The following ZAN variants were observed in gnomAD, a reference collection of about 807,000 sequenced individuals.
The protein encoded by ZAN is zonadhesin.
ZAN carries 260 observed loss-of-function variants against 286.2 expected under a neutral mutation model. The observed-to-expected ratio is 0.91, with a 90% CI of 0.82 to 1.01. The LOEUF is 1.01. ZAN is among the 50% of genes least tolerant of loss of function. ZAN has a pLI of 0.00. For synonymous variants in ZAN, 1,368 were observed against 1,417.5 expected, an observed-to-expected ratio of 0.97 and a Z score of 0.79; for missense variants, 3,410 against 3,639.2, an observed-to-expected ratio of 0.94 and a Z score of 1.62.
intron 22 of ZAN, among the ~76,000 whole-genome samples, chr7:100,764,932 G>A (rs1809849970): frequency 6.6e-6 from 1 of 152,116 alleles, no homozygotes; most frequent in South Asian, 2.1e-4. Flanking sequence ...CAGGCACACG[G>A]TACAGGCCCT....
intron 7 of ZAN, among the ~76,000 whole-genome samples, chr7:100,744,720 C>T (rs1005127600): frequency 6.6e-6 from 1 of 151,618 alleles, no homozygotes; most frequent in Non-Finnish European, 1.5e-5. Context: ...CCGTGTACCG[C>T]GCCCAGCAGC....
At chr7:100,779,798 C>T in intron 35 of ZAN, 48 bp downstream of exon 35, 2 of 1,506,654 alleles carry the variant, frequency 1.3e-6, no homozygotes, top group Non-Finnish European at 1.8e-6. Context: ...ACCCCCTTTC[C>T]CTCTCTGCTT....
chr7:100,759,896 T>A, intron 18 of ZAN, 51 bp downstream of exon 18: 1 of 1,580,800 alleles, frequency 6.3e-7, no homozygotes, highest in Non-Finnish European at 8.6e-7. Context: ...CTGTGTGTCC[T>A]GGCCAACCCT....
At chr7:100,779,242 G>A (rs1811025840) in intron 34 of ZAN, among the ~76,000 whole-genome samples, 1 of 151,754 alleles carries the variant, frequency 6.6e-6, no homozygotes, top group Non-Finnish European at 1.5e-5. Flanking sequence ...GGTGGTGGGT[G>A]CCTGTAGTCT....
At chr7:100,768,184 G>A in intron 26 of ZAN, among the ~76,000 whole-genome samples, 173 bp downstream of exon 26, 1 of 152,310 alleles carries the variant, frequency 6.6e-6, no homozygotes, top group East Asian at 1.9e-4. Context: ...TGAAGAGACA[G>A]AAAGGGGCCA....
At chr7:100,739,254 C>T (rs1006976639) in intron 7 of ZAN, among the ~76,000 whole-genome samples, 4 of 136,300 alleles carry the variant, frequency 2.9e-5, no homozygotes, top group Admixed American at 2.2e-4. Context: ...TCAAGTGGTC[C>T]ACCTGCCTCA....
chr7:100,750,669 G>A lies in ZAN; in HGVS notation c.1294G>A (p.Gly432Ser). 1 of 1,613,484 alleles carries A rather than the reference G, an allele frequency of 6.2e-7. No homozygotes were observed. The highest frequency in any genetic ancestry group is 1.1e-5 in the South Asian group (1 of 90,934). ...YLEADEFSQA[G>S]QSVRLVSRPF... ...TGAGGCTGACGAGTTCTCCCAGGCAGGCCAGTCAGTCAGACTGGTGAGCCG... is the reference window on the plus strand; with the variant it reads ...TGAGGCTGACGAGTTCTCCCAGGCAAGCCAGTCAGTCAGACTGGTGAGCCG... The change falls in exon 12 of 48, where the codon GGC (glycine) becomes AGC (serine). Residue 432 changes from glycine (G) to serine (S), a missense_variant. This residue lies in a region of ZAN where 872 missense variants were observed against 938.9 expected (regional missense o/e 0.93). Transcript: ENST00000613979.
At chr7:100,782,383 C>T (rs1339544865) in intron 35 of ZAN, among the ~76,000 whole-genome samples, 3 of 152,130 alleles carry the variant, frequency 2.0e-5, no homozygotes, top group African/African-American at 7.2e-5. Context: ...GCCCAGGCTG[C>T]AGTGGCACGA....
At chr7:100,781,567 C>T (rs1021031652) in intron 35 of ZAN, among the ~76,000 whole-genome samples, 2 of 151,462 alleles carry the variant, frequency 1.3e-5, no homozygotes, top group African/African-American at 4.9e-5. Flanking sequence ...TGCTGGGCAT[C>T]ACTGTGGGTC....
At position 100,765,474 on chromosome 7, in the gene ZAN, C is replaced by G; in HGVS notation, c.4390C>G (p.Pro1464Ala). 6.2e-7 allele frequency: 1 copy of G among 1,613,368 alleles called. No individual in the cohort carries two copies. Among genetic ancestry groups the G allele is most frequent in the South Asian group, 1.1e-5 (1 of 90,910 alleles). ...GTGCGTGGAGGCCTGTGAATGCAAT[C>G]CGGGCTTCGTCCTCAGTGGCCTCGA... ...DRCVEACECN[P>A]GFVLSGLECI... Residue 1464 changes from proline to alanine, a missense_variant, in exon 23 of 48, where the codon CCG (proline) becomes GCG (alanine). By Grantham distance (27) the Pro-to-Ala change is conservative. Coordinates refer to ENST00000613979, the MANE Select transcript of ZAN (RefSeq NM_003386.3).
rs373565888 is a variant in ZAN at position 100,779,525 on chromosome 7, G to A, written c.6397G>A (p.Asp2133Asn). ...ENPSGNCRAA[D>N]LRRAREKCEA... ...CCCGAGTGGAAACTGCAGGGCGGCC[G>A]ACCTCCGCAGGGCGCGGGAAAAGTG... The change falls in exon 35 of 48, where the codon GAC becomes AAC. Residue 2133 changes from aspartate (D) to asparagine (N), a missense_variant. By Grantham distance (23) the Asp-to-Asn change is conservative. This residue lies in a region of ZAN where 1,289 missense variants were observed against 1,314.3 expected (regional missense o/e 0.98). Transcript: ENST00000613979. 13 of 1,612,504 alleles carry A rather than the reference G, an allele frequency of 8.1e-6. No homozygotes were observed. The Admixed American group carries it at 1.0e-4, about 12-fold the overall frequency.
chr7:100,772,247 C>T (rs1810424149), intron 29 of ZAN, among the ~76,000 whole-genome samples: 1 of 150,538 alleles, frequency 6.6e-6, no homozygotes, highest in Non-Finnish European at 1.5e-5. Flanking sequence ...GCCTGGTCAA[C>T]ATGGTGAAAC....
In ZAN at chr7:100,789,228, A is replaced by G; in HGVS notation, c.7238A>G (p.Gln2413Arg). Residue 2413 changes from glutamine to arginine, a missense_variant, in exon 39 of 48, where the codon CAG (glutamine) becomes CGG (arginine). Coordinates refer to ENST00000613979, the MANE Select transcript of ZAN (RefSeq NM_003386.3). ...GTCTTCCCTCTTTAGGTCAACAACC[A>G]GAAGATGGCCGTCCCCTACAGGCCA... ...QAGLELVVNNQKMAVPYRPNE... is the reference protein window; with the variant it reads ...QAGLELVVNNRKMAVPYRPNE... The G allele has an allele frequency of 1.2e-6, 2 of 1,613,466 alleles. No individual in the cohort carries two copies. The highest frequency in any genetic ancestry group is 1.7e-6 in the Non-Finnish European group (2 of 1,179,674).
chr7:100,768,091 T>G, intron 26 of ZAN, 80 bp downstream of exon 26: 24 of 1,460,514 alleles, frequency 1.6e-5, no homozygotes, highest in Non-Finnish European at 2.2e-5. Context: ...CCAACATCTC[T>G]GTGAGGTGTT....
intron 2 of ZAN, 105 bp downstream of exon 2, chr7:100,734,326 G>C: frequency 1.2e-6 from 1 of 833,108 alleles, no homozygotes; most frequent in Non-Finnish European, 1.8e-6. Context: ...AACTACAAAA[G>C]ATCTGGAGAG....
chr7:100,764,182 A>C lies in ZAN; in HGVS notation c.4253A>C (p.Glu1418Ala). The C allele has an allele frequency of 6.4e-7, 1 of 1,572,238 alleles. No individual in the cohort carries two copies. Among genetic ancestry groups the C allele is most frequent in the Non-Finnish European group, 8.6e-7 (1 of 1,159,586 alleles). Residue 1418 changes from glutamate (E) to alanine (A), a missense_variant, in exon 22 of 48, where the codon GAA (glutamate) becomes GCA (alanine). Glu to Ala is a moderately radical substitution (Grantham distance 107, BLOSUM62 -1). Coordinates refer to ENST00000613979, the MANE Select transcript of ZAN (RefSeq NM_003386.3). ...GGCCACGCTGTGAAGCCCTGGAGGG[A>C]ACCCCACTTCTGCCGTGAGTTGTGC... Reference protein sequence around the residue: ...DAGHAVKPWREPHFCPMACPP... With the variant: ...DAGHAVKPWRAPHFCPMACPP...
intron 36 of ZAN, 121 bp downstream of exon 36, chr7:100,784,955 G>C: frequency 2.6e-6 from 3 of 1,159,478 alleles, no homozygotes; most frequent in Non-Finnish European, 3.5e-6. Context: ...GGGTGTGAAG[G>C]CTGGTGTGAG....
rs372993710 is a variant in ZAN at position 100,775,684 on chromosome 7, G to A, written c.6043G>A (p.Val2015Ile). The A allele has an allele frequency of 1.9e-6, 3 of 1,613,764 alleles. No individual in the cohort carries two copies. The highest frequency in any genetic ancestry group is 1.3e-5 in the African/African-American group (1 of 74,894). Residue 2015 changes from valine (V) to isoleucine (I), a missense_variant, in exon 33 of 48, where the codon GTC (valine) becomes ATC (isoleucine). This residue lies in a region of ZAN where 1,289 missense variants were observed against 1,314.3 expected (regional missense o/e 0.98). Coordinates refer to ENST00000613979, the MANE Select transcript of ZAN (RefSeq NM_003386.3). ...GHRVLINSKQVTLPAISQIPG... is the reference protein window; with the variant it reads ...GHRVLINSKQITLPAISQIPG... ...TCCTGTTTAGATCAACAGCAAACAGGTCACCCTCCCCGCCATCTCCCAGAT... is the reference window on the plus strand; with the variant it reads ...TCCTGTTTAGATCAACAGCAAACAGATCACCCTCCCCGCCATCTCCCAGAT...
At chr7:100,793,249 G>A (rs1313724826) in intron 42 of ZAN, among the ~76,000 whole-genome samples, 2 of 149,362 alleles carry the variant, frequency 1.3e-5, no homozygotes, top group African/African-American at 2.5e-5. Context: ...TGAGGTGGGA[G>A]GATCATTGGA....
Sources: gnomAD v4.1 joint callset for allele counts (sites outside exome capture counted in the v4.1 genomes callset) on GRCh38, gnomAD v4.1.1 for gene constraint, gnomAD v4.1.1 regional missense constraint, MANE v1.5 for transcripts, NCBI Gene and HGNC (gene_info 2026-07-23, HGNC 2026-07-21) for gene names.